The following AIG1 variants were observed in gnomAD, a reference collection of about 807,000 sequenced individuals.
The protein encoded by AIG1 is androgen induced 1.
A neutral mutation model predicts 31.4 loss-of-function variants in AIG1; 23 were observed. The ratio of observed to expected loss-of-function variants is 0.73; its 90% CI spans 0.53 to 1.04. The LOEUF is 1.04. AIG1 is among the 50% of genes least tolerant of loss of function. The pLI is 0.00. For missense variants in AIG1, 274 were observed against 295.0 expected, an observed-to-expected ratio of 0.93 and a Z score of 0.52; for synonymous variants, 100 against 110.5, an observed-to-expected ratio of 0.90 and a Z score of 0.60.
In AIG1 at chr6:143,143,696, G is replaced by A. The variant is rs566071257; in HGVS notation, c.297+6706G>A. On this transcript the variant is annotated intron_variant, in intron 2 of 5. Coordinates refer to ENST00000357847, the MANE Select transcript of AIG1 (RefSeq NM_016108.4). ...GTCCTTTTCCTTTCTTTTCACCTCTGAAGTTAAAAGTACATCAGCTAGGTC... is the reference window on the plus strand; with the variant it reads ...GTCCTTTTCCTTTCTTTTCACCTCTAAAGTTAAAAGTACATCAGCTAGGTC... Among the ~76,000 whole-genome samples, 10 of 151,238 alleles carry A rather than the reference G, an allele frequency of 6.6e-5. 1 individual carries two copies. In the South Asian group the frequency reaches 2.1e-3, roughly 32 times the overall value.
At chr6:143,106,840 C>T (rs772351862) in intron 1 of AIG1, among the ~76,000 whole-genome samples, 1 of 152,132 alleles carries the variant, frequency 6.6e-6, no homozygotes, top group Non-Finnish European at 1.5e-5. Flanking sequence ...CTTACAGATT[C>T]CTTGTCTGAT....
intron 3 of AIG1, among the ~76,000 whole-genome samples, chr6:143,202,128 A>C (rs1790743214): frequency 6.6e-6 from 1 of 152,120 alleles, no homozygotes; most frequent in Non-Finnish European, 1.5e-5. Flanking sequence ...CCGAGAAACG[A>C]CTTCTGGATT....
Position 143,284,181 on chromosome 6 carries a change from C to T in AIG1, c.471C>T (p.Ser157=), listed in dbSNP as rs779872124. 44 of 1,613,896 alleles carry T rather than the reference C, an allele frequency of 2.7e-5. No individual in the cohort carries two copies. Among genetic ancestry groups the T allele is most frequent in the Admixed American group, 3.3e-5 (2 of 59,996 alleles). ...ACCATCAGTATCCCAGCAGGAGCAG[C>T]GGACTTACCGCCATATGTACCTTCT... ...TSHHQYPSRS[S]GLTAICTFSV... The change falls in exon 4 of 6, where the codon AGC becomes AGT. Residue 157 remains serine (S), a synonymous_variant. Transcript: ENST00000357847. The surrounding 1 kb of genome is among the most constrained non-coding windows in gnomAD (Gnocchi z 4.4).
intron 3 of AIG1, among the ~76,000 whole-genome samples, chr6:143,206,784 A>G (rs982116800): frequency 3.9e-5 from 6 of 152,208 alleles, no homozygotes; most frequent in African/African-American, 1.4e-4. Flanking sequence ...AATAATTATG[A>G]GATCATTAAG....
intron 2 of AIG1, among the ~76,000 whole-genome samples, chr6:143,156,330 C>G (rs1426662999): frequency 8.5e-6 from 1 of 117,754 alleles, no homozygotes; most frequent in Non-Finnish European, 1.9e-5. Flanking sequence ...ACTTAAGAAC[C>G]ATGGAGTATC....
intron 1 of AIG1, among the ~76,000 whole-genome samples, chr6:143,101,508 G>A (rs1023094266): frequency 1.3e-5 from 2 of 152,158 alleles, no homozygotes; most frequent in African/African-American, 4.8e-5. Flanking sequence ...CTCTGAGCAG[G>A]TAGAGATGAA....
chr6:143,215,193 A>C (rs1791933200), intron 3 of AIG1, among the ~76,000 whole-genome samples: 1 of 152,174 alleles, frequency 6.6e-6, no homozygotes, highest in South Asian at 2.1e-4. Context: ...AACATAAGAT[A>C]AAATAAATAG....
chr6:143,174,298 C>T (rs947371726), intron 3 of AIG1, among the ~76,000 whole-genome samples: 1 of 151,962 alleles, frequency 6.6e-6, no homozygotes, highest in African/African-American at 2.4e-5. Context: ...ACCAGCCTGG[C>T]CAAGATAGTG....
chr6:143,178,871 A>T (rs935215414), intron 3 of AIG1, among the ~76,000 whole-genome samples: 2 of 152,162 alleles, frequency 1.3e-5, no homozygotes, highest in African/African-American at 4.8e-5. Context: ...TCACTCCGTT[A>T]TGGCCCCAGA....
At chr6:143,110,778 A>G (rs1301637614) in intron 1 of AIG1, among the ~76,000 whole-genome samples, 1 of 152,172 alleles carries the variant, frequency 6.6e-6, no homozygotes, top group Non-Finnish European at 1.5e-5. Flanking sequence ...AAGGCAGCAG[A>G]TGTGTGTGGG....
At chr6:143,203,144 A>G (rs1411647286) in intron 3 of AIG1, among the ~76,000 whole-genome samples, 2 of 152,224 alleles carry the variant, frequency 1.3e-5, no homozygotes, top group African/African-American at 4.8e-5. Context: ...TAATTTGATC[A>G]TGTTTAAATT....
At chr6:143,164,039 C>A (rs914687913) in intron 2 of AIG1, among the ~76,000 whole-genome samples, 1 of 152,058 alleles carries the variant, frequency 6.6e-6, no homozygotes, top group Non-Finnish European at 1.5e-5. Context: ...TTTCTTCCAC[C>A]GACCTACGAA....
intron 4 of AIG1, among the ~76,000 whole-genome samples, chr6:143,324,816 T>C (rs1162428126): frequency 6.6e-6 from 1 of 152,204 alleles, no homozygotes; most frequent in Non-Finnish European, 1.5e-5. Context: ...TTTTAAATCC[T>C]CTTTAAAGTA....
At chr6:143,134,039 G>A (rs999439532) in intron 1 of AIG1, among the ~76,000 whole-genome samples, 2 of 151,956 alleles carry the variant, frequency 1.3e-5, no homozygotes, top group African/African-American at 4.8e-5. Context: ...TGAATTAGAA[G>A]GGAAGGATTT....
intron 1 of AIG1, among the ~76,000 whole-genome samples, chr6:143,063,800 C>T (rs1776465531): frequency 6.6e-6 from 1 of 152,156 alleles, no homozygotes. Context: ...TTCAGTTTAC[C>T]AGGATCTGAG....
At chr6:143,165,564 G>A (rs987983092) in intron 3 of AIG1, among the ~76,000 whole-genome samples, 4 of 152,150 alleles carry the variant, frequency 2.6e-5, no homozygotes, top group Admixed American at 6.5e-5. Context: ...CTCCACCTGC[G>A]CCTCACATCG....
intron 1 of AIG1, among the ~76,000 whole-genome samples, chr6:143,122,806 C>T (rs905591048): frequency 6.6e-6 from 1 of 152,132 alleles, no homozygotes; most frequent in Non-Finnish European, 1.5e-5. Flanking sequence ...CCCCTACTGG[C>T]ACCACAGATT....
intron 3 of AIG1, among the ~76,000 whole-genome samples, chr6:143,221,427 G>A (rs1405028897): frequency 1.3e-5 from 2 of 151,670 alleles, no homozygotes; most frequent in African/African-American, 2.4e-5. Flanking sequence ...AAACTACACT[G>A]TGGTCTCTGT....
chr6:143,206,821 G>A (rs1300483379), intron 3 of AIG1, among the ~76,000 whole-genome samples: 1 of 152,116 alleles, frequency 6.6e-6, no homozygotes, highest in Non-Finnish European at 1.5e-5. Flanking sequence ...CCCATTTCAT[G>A]GTCTTTGGTA....
Sources: gnomAD v4.1 joint callset for allele counts (sites outside exome capture counted in the v4.1 genomes callset) on GRCh38, gnomAD v4.1.1 for gene constraint, Gnocchi (gnomAD v3.1) non-coding constraint, MANE v1.5 for transcripts, NCBI Gene and HGNC (gene_info 2026-07-23, HGNC 2026-07-21) for gene names.